The following SZRD1 variants were observed in gnomAD, a reference collection of about 807,000 sequenced individuals.
SZRD1 encodes SUZ RNA binding domain containing 1, also known as SUZ RNA-binding domain-containing.
In SZRD1, 7 loss-of-function variants were observed where a neutral mutation model predicts 17.6. That is an observed-to-expected ratio of 0.40 (90% CI 0.23 to 0.75). The LOEUF is 0.75. SZRD1 is among the 30% of genes least tolerant of loss of function. The pLI is 0.38. For synonymous variants in SZRD1, 77 were observed against 77.9 expected (o/e 0.99, Z 0.06); for missense variants, 178 against 201.8 (o/e 0.88, Z 0.71).
intron 1 of SZRD1, among the ~76,000 whole-genome samples, chr1:16,372,019 C>T (rs988907345): frequency 6.6e-6 from 1 of 152,204 alleles, no homozygotes; most frequent in African/African-American, 2.4e-5. Flanking sequence ...GTATCAAGTC[C>T]TATTGTGTCA....
At chr1:16,382,473 C>T (rs892144731) in intron 1 of SZRD1, among the ~76,000 whole-genome samples, 5 of 148,012 alleles carry the variant, frequency 3.4e-5, no homozygotes, top group African/African-American at 1.3e-4. Flanking sequence ...CAGGCATGAA[C>T]CACTGCGCCT....
At chr1:16,376,171 A>G (rs1338352262) in intron 1 of SZRD1, among the ~76,000 whole-genome samples, 1 of 152,186 alleles carries the variant, frequency 6.6e-6, no homozygotes, top group African/African-American at 2.4e-5. Flanking sequence ...CCTGGCTGTT[A>G]GGCCTGAGCC....
intron 1 of SZRD1, chr1:16,369,140 TAAATG>T (rs1191882419): frequency 2.4e-6 from 1 of 423,934 alleles, no homozygotes; most frequent in African/African-American, 2.1e-5. Flanking sequence ...ATATTCCAGA[TAAATG>T]AAATTTAATC....
intron 1 of SZRD1, among the ~76,000 whole-genome samples, chr1:16,375,747 A>G (rs547597163): frequency 6.6e-6 from 1 of 152,344 alleles, no homozygotes; most frequent in East Asian, 1.9e-4. Context: ...TCTAAAAGGA[A>G]TAATAAATAT....
chr1:16,375,294 T>C (rs911623365), intron 1 of SZRD1, among the ~76,000 whole-genome samples: 1 of 152,000 alleles, frequency 6.6e-6, no homozygotes, highest in Non-Finnish European at 1.5e-5. Context: ...CAAACCCCAA[T>C]AGTCTGTATG....
At chr1:16,378,021 A>G (rs761264800) in intron 1 of SZRD1, among the ~76,000 whole-genome samples, 1 of 152,114 alleles carries the variant, frequency 6.6e-6, no homozygotes, top group Non-Finnish European at 1.5e-5. Flanking sequence ...AGTTACAGAA[A>G]CACAGAGAAA....
chr1:16,381,851 G>C (rs1020260946), intron 1 of SZRD1, among the ~76,000 whole-genome samples: 2 of 145,604 alleles, frequency 1.4e-5, no homozygotes, highest in African/African-American at 5.1e-5. Context: ...TTTGAACCCA[G>C]GAGGTGGAGG....
intron 1 of SZRD1, chr1:16,390,747 C>A (rs1277839168): frequency 1.3e-5 from 2 of 152,292 alleles, no homozygotes; most frequent in African/African-American, 2.4e-5. Context: ...GGTGATGCAC[C>A]ATGCTGGTGG....
chr1:16,374,951 C>T (rs1031657309), intron 1 of SZRD1, among the ~76,000 whole-genome samples: 4 of 152,098 alleles, frequency 2.6e-5, no homozygotes, highest in Non-Finnish European at 4.4e-5. Context: ...AATCTCAGCT[C>T]GCTGCAACCT....
chr1:16,380,304 C>T (rs1328371215), intron 1 of SZRD1, among the ~76,000 whole-genome samples: 4 of 151,318 alleles, frequency 2.6e-5, no homozygotes, highest in Admixed American at 6.6e-5. Context: ...GAGAGACGCT[C>T]GTCTCTTTAT....
chr1:16,384,993 GA>G (rs1351629711), intron 1 of SZRD1, among the ~76,000 whole-genome samples: 1 of 152,178 alleles, frequency 6.6e-6, no homozygotes, highest in Non-Finnish European at 1.5e-5. Context: ...GTCATCTTCT[GA>G]AATGAAAACT....
At chr1:16,377,562 C>CAAAAAAAAAA (rs34066824) in intron 1 of SZRD1, among the ~76,000 whole-genome samples, 4 of 62,052 alleles carry the variant, frequency 6.4e-5, no homozygotes, top group Non-Finnish European at 1.3e-4. Flanking sequence ...GACTCTGTCT[C>CAAAAAAAAAA]AAAAAAAAAA....
Position 16,397,096 on chromosome 1 carries a change from G to A in SZRD1, c.*1956G>A, listed in dbSNP as rs1557635533. ...GGAGAAGGGTATAGAGGTAGTCCAG[G>A]TGGGAACGCCAGAAGTGCTGATTGC... On this transcript the variant is annotated 3_prime_UTR_variant, in exon 4 of 4. Coordinates refer to ENST00000401088, the MANE Select transcript of SZRD1 (RefSeq NM_001114600.3). This position sits in a 1 kb window ranked among gnomAD's most constrained non-coding sequence, Gnocchi z 5.4. The A allele has an allele frequency of 6.6e-6, 1 of 152,270 alleles. No individual in the cohort carries two copies. The highest frequency in any genetic ancestry group is 2.4e-5 in the African/African-American group (1 of 41,474). 9.4% of individuals were successfully genotyped at this position (152,270 alleles called of 1,614,324 possible).
chr1:16,370,537 T>C (rs369386015), intron 1 of SZRD1, among the ~76,000 whole-genome samples: 7 of 143,818 alleles, frequency 4.9e-5, no homozygotes, highest in Non-Finnish European at 1.1e-4. Context: ...TTTTTTTTTT[T>C]AATTTTTTTT....
At chr1:16,392,008 A>G (rs1031528343) in intron 2 of SZRD1, among the ~76,000 whole-genome samples, 10 of 152,058 alleles carry the variant, frequency 6.6e-5, no homozygotes, top group African/African-American at 2.4e-4. Flanking sequence ...TTCCATAGGT[A>G]CAAGGGACAG....
rs1185679049 is a variant in SZRD1, at chr1:16,395,495, C to G, written c.*355C>G. On this transcript the variant is annotated 3_prime_UTR_variant, in exon 4 of 4. Transcript: ENST00000401088. Reference sequence around the variant, plus strand: ...GCCAGTGCCAGCAATAACAGTTTATCATGCTCATTAATTTGGGATTTCAAA... The same window carrying G: ...GCCAGTGCCAGCAATAACAGTTTATGATGCTCATTAATTTGGGATTTCAAA... 1.6e-5 allele frequency: 4 copies of G among 254,088 alleles called. No individual in the cohort carries two copies. The highest frequency in any genetic ancestry group is 3.1e-5 in the Non-Finnish European group (4 of 128,544). The allele number at this position is 254,088 out of a possible 1,614,324, so 15.7% of individuals were successfully genotyped here. A position where few individuals can be genotyped will look rare whatever the true frequency, so the allele number is the denominator to read the frequency against.
intron 3 of SZRD1, among the ~76,000 whole-genome samples, chr1:16,394,041 A>AT (rs2085262886): frequency 6.6e-6 from 1 of 151,858 alleles, no homozygotes. Flanking sequence ...TACTCTTAAC[A>AT]TTTTTTTCTC....
At chr1:16,387,121 A>G (rs1188376343) in intron 1 of SZRD1, 1 of 355,478 alleles carries the variant, frequency 2.8e-6, no homozygotes, top group Non-Finnish European at 5.5e-6. Flanking sequence ...TTATATCGAT[A>G]TAAGGTATTA....
chr1:16,396,997 A>G lies in SZRD1; in HGVS notation c.*1857A>G, dbSNP rs1180234880. The stretch of plus-strand genomic sequence containing the variant: ...GTTCCACTGCCCTAACCAAGTGTCC[A>G]CATTCTAAATGTGTAGTGTCCATCC... On this transcript the variant is annotated 3_prime_UTR_variant, in exon 4 of 4. Transcript: ENST00000401088. 6.6e-6 allele frequency: 1 copy of G among 152,308 alleles called. No individual in the cohort carries two copies. The highest frequency in any genetic ancestry group is 1.5e-5 in the Non-Finnish European group (1 of 68,070). The allele number at this position is 152,308 out of a possible 1,614,324, so 9.4% of individuals were successfully genotyped here.
Sources: allele counts gnomAD v4.1 joint callset (sites outside exome capture counted in the v4.1 genomes callset), GRCh38; gene constraint gnomAD v4.1.1; non-coding constraint Gnocchi (gnomAD v3.1); transcripts MANE v1.5; gene names NCBI Gene and HGNC (gene_info 2026-07-23, HGNC 2026-07-21).